FAM13C: variants seen among roughly 807,000 people sequenced by gnomAD.
FAM13C encodes protein FAM13C.
In FAM13C, 37 loss-of-function variants were observed where a neutral mutation model predicts 73.2. The ratio of observed to expected loss-of-function variants is 0.51; its 90% CI spans 0.39 to 0.67. The LOEUF (loss-of-function observed/expected upper bound fraction) is 0.67, where lower values mean the gene tolerates loss of function less well. FAM13C is among the 30% of genes least tolerant of loss of function. The pLI is 0.00. For synonymous variants in FAM13C, 246 were observed against 260.9 expected (o/e 0.94, Z 0.55); for missense variants, 589 against 715.6 (o/e 0.82, Z 2.02).
chr10:59,289,729 G>T (rs1012185576), intron 5 of FAM13C, among the ~76,000 whole-genome samples: 2 of 152,108 alleles, frequency 1.3e-5, no homozygotes, highest in Non-Finnish European at 2.9e-5. Flanking sequence ...CTTCCATCAT[G>T]CCCGACTTAG....
At chr10:59,348,642 C>CT (rs1454068393) in intron 3 of FAM13C, among the ~76,000 whole-genome samples, 6 of 151,504 alleles carry the variant, frequency 4.0e-5, no homozygotes, top group Non-Finnish European at 7.4e-5. Context: ...CTTCATGAAT[C>CT]TTTTTTTTTC....
intron 4 of FAM13C, among the ~76,000 whole-genome samples, chr10:59,306,283 C>G (rs1182768606): frequency 6.6e-6 from 1 of 152,024 alleles, no homozygotes; most frequent in Non-Finnish European, 1.5e-5. Context: ...TAGAGAAGAG[C>G]CTACGTAGAA....
At chr10:59,264,214 G>A in intron 8 of FAM13C, 48 bp from the exon 9 acceptor site, 8 of 1,025,380 alleles carry the variant, frequency 7.8e-6, no homozygotes, top group Non-Finnish European at 1.2e-5. Flanking sequence ...GAAGGAGGGA[G>A]AGGGTGGGGG....
chr10:59,359,091 C>T (rs1170664613), intron 1 of FAM13C, among the ~76,000 whole-genome samples: 1 of 152,148 alleles, frequency 6.6e-6, no homozygotes, highest in African/African-American at 2.4e-5. Flanking sequence ...ACTTTTGCTC[C>T]CTCAATCAGC....
At chr10:59,279,386 T>G (rs1844677700) in intron 6 of FAM13C, among the ~76,000 whole-genome samples, 1 of 152,218 alleles carries the variant, frequency 6.6e-6, no homozygotes. Context: ...GAATTCTGCA[T>G]GAGAATAATT....
At chr10:59,270,809 T>G (rs1843642805) in intron 6 of FAM13C, among the ~76,000 whole-genome samples, 1 of 152,196 alleles carries the variant, frequency 6.6e-6, no homozygotes, top group Non-Finnish European at 1.5e-5. Flanking sequence ...ATTATTCTAT[T>G]TTTTTCTCCA....
intron 5 of FAM13C, among the ~76,000 whole-genome samples, chr10:59,288,458 A>C (rs954049815): frequency 1.3e-5 from 2 of 151,976 alleles, no homozygotes; most frequent in African/African-American, 4.8e-5. Context: ...ATGCCATTGC[A>C]CTCCAGACTG....
rs1431287882 is a variant in FAM13C, at chr10:59,247,525, T to C, written c.*89A>G. On this transcript the variant is annotated 3_prime_UTR_variant, in exon 14 of 14. Coordinates refer to ENST00000618804, the MANE Select transcript of FAM13C (RefSeq NM_198215.4). ...TACCACTAAAGTGCTTCCATTTTCA[T>C]TGTGTCAAAACTACTTAGCAAGGAT... 2 of 1,539,298 alleles carry C rather than the reference T, an allele frequency of 1.3e-6. No homozygotes were observed. Among genetic ancestry groups the C allele is most frequent in the East Asian group, 2.3e-5 (1 of 44,150 alleles).
intron 11 of FAM13C, among the ~76,000 whole-genome samples, chr10:59,253,258 A>G (rs1030155338): frequency 5.9e-5 from 9 of 152,230 alleles, no homozygotes; most frequent in South Asian, 2.1e-4. Flanking sequence ...TTCTGGGCCA[A>G]TGAAGGCACA....
intron 6 of FAM13C, chr10:59,282,778 G>A (rs563543115): frequency 1.3e-5 from 2 of 151,940 alleles, no homozygotes; most frequent in South Asian, 4.2e-4. Flanking sequence ...ATTAAAGCCA[G>A]AGACTAACAG....
intron 4 of FAM13C, among the ~76,000 whole-genome samples, chr10:59,311,071 G>C (rs766698893): frequency 5.3e-5 from 8 of 152,172 alleles, no homozygotes; most frequent in Non-Finnish European, 1.0e-4. Context: ...TTCCCAAAGA[G>C]AGAAAGGCTG....
At chr10:59,275,454 C>T (rs1252333391) in intron 6 of FAM13C, among the ~76,000 whole-genome samples, 3 of 152,126 alleles carry the variant, frequency 2.0e-5, no homozygotes, top group Admixed American at 2.0e-4. Context: ...CATCTGGTCA[C>T]TTCCAGGCAC....
chr10:59,298,048 G>A (rs1190867259), intron 5 of FAM13C, among the ~76,000 whole-genome samples: 1 of 152,190 alleles, frequency 6.6e-6, no homozygotes, highest in Non-Finnish European at 1.5e-5. Flanking sequence ...TGCATTCCAG[G>A]ATTATTTAGC....
intron 4 of FAM13C, among the ~76,000 whole-genome samples, chr10:59,313,740 G>A (rs1018546715): frequency 3.3e-5 from 5 of 152,060 alleles, no homozygotes; most frequent in Non-Finnish European, 1.5e-5. Context: ...TGTGCAGGAT[G>A]GATATGGAAG....
At chr10:59,313,974 C>A (rs970006759) in intron 4 of FAM13C, among the ~76,000 whole-genome samples, 2 of 152,120 alleles carry the variant, frequency 1.3e-5, no homozygotes, top group Non-Finnish European at 1.5e-5. Context: ...AAAAGAATTA[C>A]AGAAAATAGG....
intron 3 of FAM13C, among the ~76,000 whole-genome samples, chr10:59,326,503 A>G (rs1219754835): frequency 6.6e-6 from 1 of 152,216 alleles, no homozygotes; most frequent in Non-Finnish European, 1.5e-5. Flanking sequence ...AAGTTAGATC[A>G]TGAAAGTTCT....
rs191350440 is a variant in FAM13C, at chr10:59,246,579, G to C, written c.*1035C>G. ...AAATGAAAATAATAAACATGTTTTC[G>C]TATAAAATAACACAAAATGATATAC... On this transcript the variant is annotated 3_prime_UTR_variant, in exon 14 of 14. Transcript: ENST00000618804. The C allele has an allele frequency of 2.5e-6, 1 of 396,716 alleles. No homozygotes were observed. Among genetic ancestry groups the C allele is most frequent in the Non-Finnish European group, 4.5e-6 (1 of 224,548 alleles). The allele number at this position is 396,716 out of a possible 1,614,324, so 24.6% of individuals were successfully genotyped here.
At chr10:59,271,561 G>A (rs1843719868) in intron 6 of FAM13C, among the ~76,000 whole-genome samples, 1 of 152,162 alleles carries the variant, frequency 6.6e-6, no homozygotes, top group South Asian at 2.1e-4. Flanking sequence ...CCAAGACAAG[G>A]TGTAATGGTG....
chr10:59,268,394 C>G (rs1369112512), intron 8 of FAM13C, among the ~76,000 whole-genome samples, 159 bp downstream of exon 8: 1 of 152,122 alleles, frequency 6.6e-6, no homozygotes, highest in Middle Eastern at 3.4e-3. Context: ...GAGAACAAGA[C>G]AGATAGAAGA....
Sources: gnomAD v4.1 joint callset for allele counts (sites outside exome capture counted in the v4.1 genomes callset) on GRCh38, gnomAD v4.1.1 for gene constraint, MANE v1.5 for transcripts, NCBI Gene and HGNC (gene_info 2026-07-23, HGNC 2026-07-21) for gene names.